Variants in QRICH1 observed in about 807,000 individuals in gnomAD.
The protein encoded by QRICH1 is glutamine rich 1.
QRICH1 carries 16 observed loss-of-function variants against 87.1 expected under a neutral mutation model. That is an observed-to-expected ratio of 0.18 (90% CI 0.12 to 0.28). QRICH1 has a LOEUF of 0.28. Ranked by LOEUF, QRICH1 falls within the 10% of genes least tolerant of loss-of-function variation. QRICH1 has a pLI of 1.00. For synonymous variants in QRICH1, 367 were observed against 368.4 expected (o/e 1.00, Z 0.05); for missense variants, 647 against 951.7 (o/e 0.68, Z 4.21).
intron 1 of QRICH1, among the ~76,000 whole-genome samples, chr3:49,089,376 T>A (rs2042229993): frequency 6.6e-6 from 1 of 152,162 alleles, no homozygotes; most frequent in Admixed American, 6.6e-5. Context: ...CTATTTTCAA[T>A]CAGGAAACTA....
chr3:49,032,730 A>C lies in QRICH1; in HGVS notation c.1939T>G (p.Phe647Val), dbSNP rs1167317457. The change falls in exon 8 of 10, where the codon TTC becomes GTC. Residue 647 changes from phenylalanine (F) to valine (V), a missense_variant. By Grantham distance (50) the Phe-to-Val change is conservative (BLOSUM62 -1). Coordinates refer to ENST00000395443, the MANE Select transcript of QRICH1 (RefSeq NM_198880.3). ...TTTGTCTGTCGCAAGACCTTGGAGA[A>C]GGCCAGCTTCATGTGCTGGTCCACT... ...KTVDQHMKLA[F>V]SKVLRQTKKN... is the part of the protein sequence containing the mutation. The C allele has an allele frequency of 1.2e-6, 2 of 1,609,952 alleles. No individual in the cohort carries two copies. Among genetic ancestry groups the C allele is most frequent in the East Asian group, 4.5e-5 (2 of 44,682 alleles).
chr3:49,055,208 CTTAA>C (rs779903888), intron 3 of QRICH1, among the ~76,000 whole-genome samples: 43 of 152,160 alleles, frequency 2.8e-4, no homozygotes, highest in Non-Finnish European at 5.7e-4. Flanking sequence ...TCAACCTTTG[CTTAA>C]TTAATCACTT....
intron 2 of QRICH1, among the ~76,000 whole-genome samples, chr3:49,060,446 G>A (rs995302436): frequency 1.6e-4 from 24 of 152,080 alleles, no homozygotes; most frequent in Non-Finnish European, 4.4e-5. Flanking sequence ...GCCTGCCTTG[G>A]CCTCCCAAAG....
intron 6 of QRICH1, among the ~76,000 whole-genome samples, chr3:49,034,035 G>A (rs1408698363): frequency 1.3e-5 from 2 of 151,076 alleles, no homozygotes; most frequent in Non-Finnish European, 2.9e-5. Context: ...AACGGCTATT[G>A]TCATTTCTTC....
intron 1 of QRICH1, among the ~76,000 whole-genome samples, chr3:49,079,220 C>A (rs189179396): frequency 5.3e-4 from 81 of 151,676 alleles, no homozygotes; most frequent in African/African-American, 1.9e-3. Context: ...GGCGACAGAG[C>A]GTAACTCTGT....
Position 49,076,928 on chromosome 3 carries a change from A to G in QRICH1, c.90T>C (p.Phe30=). 1 of 1,612,662 alleles carries G rather than the reference A, an allele frequency of 6.2e-7. No homozygotes were observed. The highest frequency in any genetic ancestry group is 2.2e-5 in the East Asian group (1 of 44,836). ...GCCCCTTAGAGGCCAGTGAGTCCAGAAATTCCTTCATCCTGTGTTGCGGGA... is the reference window on the plus strand; with the variant it reads ...GCCCCTTAGAGGCCAGTGAGTCCAGGAATTCCTTCATCCTGTGTTGCGGGA... ...RSVPQHRMKE[F]LDSLASKGPE... is the part of the protein sequence containing the mutation. The change falls in exon 2 of 10, where the codon TTT becomes TTC. Residue 30 remains phenylalanine, a synonymous_variant. Transcript: ENST00000395443.
rs539191221 is a variant in QRICH1 at position 49,081,369 on chromosome 3, A to C, written c.-21-4331T>G. Among the ~76,000 whole-genome samples the C allele has an allele frequency of 2.6e-5, 4 of 151,904 alleles. No individual in the cohort carries two copies. In the East Asian group the frequency reaches 5.8e-4, roughly 22 times the overall value. On this transcript the variant is annotated intron_variant, in intron 1 of 9. Transcript: ENST00000395443. ...GAGATGGAGGTTGTAGTGAGCCGAG[A>C]CTGCACCACTGCCCTCCAGCCTAGG...
intron 6 of QRICH1, among the ~76,000 whole-genome samples, chr3:49,039,998 T>G (rs1271886715): frequency 6.7e-6 from 1 of 150,352 alleles, no homozygotes; most frequent in African/African-American, 2.4e-5. Flanking sequence ...GAGGCGGAGG[T>G]TGAAGTCAGC....
At position 49,076,942 on chromosome 3, in the gene QRICH1, T is replaced by C. The variant is rs772406452; in HGVS notation, c.76A>G (p.Arg26Gly). Residue 26 changes from arginine to glycine, a missense_variant, in exon 2 of 10, where the codon AGG (arginine) becomes GGG (glycine). Coordinates refer to ENST00000395443, the MANE Select transcript of QRICH1 (RefSeq NM_198880.3). ...RVKARSVPQH[R>G]MKEFLDSLAS... ...AGTGAGTCCAGAAATTCCTTCATCC[T>C]GTGTTGCGGGACAGACCGTGCCTTT... 1 of 1,610,328 alleles carries C rather than the reference T, an allele frequency of 6.2e-7. No individual in the cohort carries two copies. The highest frequency in any genetic ancestry group is 1.1e-5 in the South Asian group (1 of 90,612).
chr3:49,094,236 C>T (rs2042338394), upstream of QRICH1: 1 of 383,070 alleles, frequency 2.6e-6, no homozygotes, highest in Admixed American at 4.5e-5. Context: ...GCTCGCTCCG[C>T]CCATGGACGC....
intron 1 of QRICH1, among the ~76,000 whole-genome samples, chr3:49,078,107 G>A (rs951494952): frequency 6.6e-6 from 1 of 152,066 alleles, no homozygotes. Flanking sequence ...ACAAGCGAAC[G>A]TTTTTGCCAA....
At chr3:49,037,711 A>AAG (rs1202474978) in intron 6 of QRICH1, among the ~76,000 whole-genome samples, 2 of 151,704 alleles carry the variant, frequency 1.3e-5, no homozygotes, top group Admixed American at 6.6e-5. Flanking sequence ...CAACGTGGGC[A>AAG]AGAGAGAGAG....
At chr3:49,056,723 C>G in intron 3 of QRICH1, 139 bp downstream of exon 3, 1 of 1,399,192 alleles carries the variant, frequency 7.1e-7, no homozygotes, top group Non-Finnish European at 9.7e-7. Context: ...TGTTTCTCCC[C>G]CTCTTCTCCC....
chr3:49,086,492 C>G (rs540595774), intron 1 of QRICH1, among the ~76,000 whole-genome samples: 4 of 152,176 alleles, frequency 2.6e-5, no homozygotes, highest in East Asian at 3.9e-4. Context: ...CTCCTGACCT[C>G]GTGATCCTCA....
chr3:49,053,359 G>C (rs937069186), intron 3 of QRICH1, among the ~76,000 whole-genome samples: 11 of 151,774 alleles, frequency 7.2e-5, no homozygotes, highest in African/African-American at 2.7e-4. Context: ...GTGGTGGCGG[G>C]CGCCTGTAGT....
At chr3:49,092,990 G>A (rs1001430367) in intron 1 of QRICH1, among the ~76,000 whole-genome samples, 1 of 152,206 alleles carries the variant, frequency 6.6e-6, no homozygotes, top group Non-Finnish European at 1.5e-5. Flanking sequence ...TGGCATTTTA[G>A]AGCTCGGAGT....
At chr3:49,065,167 A>G (rs2093460392) in intron 2 of QRICH1, among the ~76,000 whole-genome samples, 1 of 147,684 alleles carries the variant, frequency 6.8e-6, no homozygotes, top group Admixed American at 6.9e-5. Context: ...ATGGAGTCTC[A>G]CTCTGTTGCC....
intron 1 of QRICH1, among the ~76,000 whole-genome samples, chr3:49,080,370 T>C (rs1312572097): frequency 1.3e-5 from 2 of 152,032 alleles, no homozygotes; most frequent in Non-Finnish European, 2.9e-5. Context: ...CGTTTTTACA[T>C]GCAGCAAAAA....
chr3:49,075,580 G>T (rs1016518746), intron 2 of QRICH1, among the ~76,000 whole-genome samples: 3 of 152,060 alleles, frequency 2.0e-5, no homozygotes, highest in Admixed American at 2.0e-4. Flanking sequence ...GCAGTGAGCC[G>T]AGATGGCTCC....
Sources: allele counts gnomAD v4.1 joint callset (sites outside exome capture counted in the v4.1 genomes callset), GRCh38; gene constraint gnomAD v4.1.1; transcripts MANE v1.5; gene names NCBI Gene and HGNC (gene_info 2026-07-23, HGNC 2026-07-21).